Variants in MECOM observed in about 807,000 individuals in gnomAD.
The protein encoded by MECOM is histone-lysine N-methyltransferase MECOM.
In MECOM, 13 loss-of-function variants were observed where a neutral mutation model predicts 116.3. That is an observed-to-expected ratio of 0.11 (90% CI 0.07 to 0.18). The LOEUF (loss-of-function observed/expected upper bound fraction) is 0.18, where lower values mean the gene tolerates loss of function less well. Among genes scored for constraint, MECOM ranks in the 10% least tolerant of loss-of-function variants. MECOM has a pLI of 1.00. For missense variants in MECOM, 1,299 were observed against 1,509.0 expected, an observed-to-expected ratio of 0.86 and a Z score of 2.31; for synonymous variants, 528 against 535.2, an observed-to-expected ratio of 0.99 and a Z score of 0.19.
At chr3:169,435,469 C>T (rs1052087028) in intron 1 of MECOM, among the ~76,000 whole-genome samples, 1 of 152,096 alleles carries the variant, frequency 6.6e-6, no homozygotes, top group African/African-American at 2.4e-5. Context: ...TTCTGTGACC[C>T]TAGTGGAGCC....
chr3:169,481,837 T>C (rs1751337929), intron 1 of MECOM, among the ~76,000 whole-genome samples: 1 of 152,084 alleles, frequency 6.6e-6, no homozygotes, highest in Non-Finnish European at 1.5e-5. Context: ...AGCAAAAAGG[T>C]TTCATTCTTA....
chr3:169,417,325 G>C (rs1193208761), intron 1 of MECOM, among the ~76,000 whole-genome samples: 3 of 144,442 alleles, frequency 2.1e-5, no homozygotes, highest in Non-Finnish European at 4.6e-5. Flanking sequence ...CTCAAAAGAA[G>C]ACATTTATGC....
intron 2 of MECOM, among the ~76,000 whole-genome samples, chr3:169,310,306 A>G (rs1253290532): frequency 6.6e-6 from 1 of 152,232 alleles, no homozygotes; most frequent in Non-Finnish European, 1.5e-5. Context: ...GGTATAAAGT[A>G]AAAACACACA....
chr3:169,220,598 C>T (rs187899433), intron 2 of MECOM, among the ~76,000 whole-genome samples: 1 of 152,086 alleles, frequency 6.6e-6, no homozygotes, highest in Admixed American at 6.6e-5. Context: ...CCCCAGCCCC[C>T]CAAGTAGCTA....
At chr3:169,372,944 A>T (rs1464676310) in intron 2 of MECOM, among the ~76,000 whole-genome samples, 1 of 152,038 alleles carries the variant, frequency 6.6e-6, no homozygotes, top group Non-Finnish European at 1.5e-5. Context: ...ACTGCTCCGC[A>T]TGCAGTTACA....
chr3:169,381,562 A>G, intron 1 of MECOM, 38 bp from the exon 2 acceptor site: 2 of 1,468,356 alleles, frequency 1.4e-6, no homozygotes, highest in Non-Finnish European at 1.8e-6. Context: ...TCCTTCTGAT[A>G]TTGAAGAGAC....
At chr3:169,458,483 G>A (rs1746882863) in intron 1 of MECOM, among the ~76,000 whole-genome samples, 2 of 152,288 alleles carry the variant, frequency 1.3e-5, no homozygotes, top group East Asian at 1.9e-4. Flanking sequence ...TTCTGCTCCC[G>A]AGTCCCTGGG....
chr3:169,480,225 C>T (rs929179528), intron 1 of MECOM, among the ~76,000 whole-genome samples: 1 of 152,184 alleles, frequency 6.6e-6, no homozygotes, highest in African/African-American at 2.4e-5. Flanking sequence ...GAAAGAGCTT[C>T]TTTATCACAT....
chr3:169,506,466 C>CTTTTTTTTTTTTTT (rs59006044), intron 1 of MECOM, among the ~76,000 whole-genome samples: 1 of 147,712 alleles, frequency 6.8e-6, no homozygotes. Flanking sequence ...GGTGAGTACT[C>CTTTTTTTTTTTTTT]TTTTTTTTTT....
chr3:169,159,674 A>G (rs568229770), intron 2 of MECOM, among the ~76,000 whole-genome samples: 3 of 152,352 alleles, frequency 2.0e-5, no homozygotes, highest in Non-Finnish European at 4.4e-5. Context: ...AGAGACTCAT[A>G]AAGAAGTACA....
At chr3:169,172,407 A>ATGTGTGTGTGTGTGTGTG (rs5854312) in intron 2 of MECOM, among the ~76,000 whole-genome samples, 2 of 144,374 alleles carry the variant, frequency 1.4e-5, no homozygotes, top group Admixed American at 7.0e-5. Flanking sequence ...GTACCCTTGT[A>ATGTGTGTGTGTGTGTGTG]TGTGTGTGTG....
intron 2 of MECOM, among the ~76,000 whole-genome samples, chr3:169,273,190 C>T (rs545323393): frequency 6.0e-4 from 91 of 152,278 alleles, no homozygotes; most frequent in African/African-American, 2.1e-3. Context: ...TATAACATCC[C>T]TTTGCCACAA....
chr3:169,477,804 A>T (rs1189158701), intron 1 of MECOM, among the ~76,000 whole-genome samples: 1 of 152,224 alleles, frequency 6.6e-6, no homozygotes. Context: ...ACTGCAAAAC[A>T]AAAGTGATAC....
At chr3:169,458,579 G>T (rs1746903780) in intron 1 of MECOM, among the ~76,000 whole-genome samples, 1 of 152,168 alleles carries the variant, frequency 6.6e-6, no homozygotes. Flanking sequence ...TGCAACCTGG[G>T]TGCACTCACA....
chr3:169,233,426 G>T (rs932443693), intron 2 of MECOM, among the ~76,000 whole-genome samples: 1 of 152,088 alleles, frequency 6.6e-6, no homozygotes, highest in African/African-American at 2.4e-5. Context: ...ATGTTAAAGG[G>T]TAAAGCACCT....
chr3:169,206,399 T>C (rs1358276418), intron 2 of MECOM, among the ~76,000 whole-genome samples: 1 of 152,088 alleles, frequency 6.6e-6, no homozygotes, highest in Non-Finnish European at 1.5e-5. Context: ...GCAAAAAATG[T>C]TTGCATCAAA....
chr3:169,515,826 C>T (rs1034803965), intron 1 of MECOM, among the ~76,000 whole-genome samples: 39 of 152,204 alleles, frequency 2.6e-4, no homozygotes, highest in Non-Finnish European at 4.7e-4. Flanking sequence ...ATAAATTTTA[C>T]ATATATTAAC....
chr3:169,560,263 A>G (rs1762492869), intron 1 of MECOM, among the ~76,000 whole-genome samples: 1 of 152,196 alleles, frequency 6.6e-6, no homozygotes, highest in Admixed American at 6.5e-5. Flanking sequence ...TGCAAATGCA[A>G]GAAAGAAAAT....
At chr3:169,364,850 C>T (rs1158728424) in intron 2 of MECOM, among the ~76,000 whole-genome samples, 3 of 151,998 alleles carry the variant, frequency 2.0e-5, no homozygotes, top group African/African-American at 7.2e-5. Context: ...GGCTTGGTGA[C>T]ATATTGACTG....
Sources: allele counts gnomAD v4.1 joint callset (sites outside exome capture counted in the v4.1 genomes callset), GRCh38; gene constraint gnomAD v4.1.1; transcripts MANE v1.5; gene names NCBI Gene and HGNC (gene_info 2026-07-23, HGNC 2026-07-21).